Variants in TCF4 observed in about 807,000 individuals in gnomAD.
TCF4 encodes the protein transcription factor 4, also known as SL3-3 enhancer factor 2.
TCF4 carries 3 observed loss-of-function variants against 82.1 expected under a neutral mutation model. That is an observed-to-expected ratio of 0.04 (90% CI 0.02 to 0.09). The LOEUF is 0.09. Ranked by LOEUF, TCF4 falls within the 10% of genes least tolerant of loss-of-function variation. The probability of loss-of-function intolerance (pLI) is 1.00; values close to 1 mark genes in which losing one functional copy is unlikely to be tolerated. For synonymous variants in TCF4, 276 were observed against 309.6 expected, an observed-to-expected ratio of 0.89 and a Z score of 1.14; for missense variants, 518 against 852.7, an observed-to-expected ratio of 0.61 and a Z score of 4.89.
At chr18:55,505,092 C>T (rs1280308473) in intron 3 of TCF4, among the ~76,000 whole-genome samples, 3 of 152,084 alleles carry the variant, frequency 2.0e-5, no homozygotes, top group Non-Finnish European at 2.9e-5. Context: ...TTTTTTCCAC[C>T]TCACCATTCC....
chr18:55,453,000 T>C (rs1184833588), intron 5 of TCF4, among the ~76,000 whole-genome samples: 4 of 152,208 alleles, frequency 2.6e-5, no homozygotes, highest in Non-Finnish European at 5.9e-5. Flanking sequence ...TAGAAAATTA[T>C]ATATTTTTCT....
At chr18:55,423,404 GCAGGAGAGGCACACGCGCGCGCGCACA>G (rs955457702) in intron 5 of TCF4, 2 of 142,786 alleles carry the variant, frequency 1.4e-5, no homozygotes, top group Non-Finnish European at 3.0e-5. Flanking sequence ...ACACGCGTGC[GCAGGAGAGGCACACGCGCGCGCGCACA>G]CACACACACA....
intron 5 of TCF4, chr18:55,404,064 T>C (rs966500313): frequency 2.3e-5 from 25 of 1,108,526 alleles, no homozygotes; most frequent in Non-Finnish European, 2.5e-5. Flanking sequence ...AAGATGATGA[T>C]GGAATTTACA....
At chr18:55,275,312 T>A (rs377711611) in intron 10 of TCF4, among the ~76,000 whole-genome samples, 2 of 139,870 alleles carry the variant, frequency 1.4e-5, no homozygotes, top group Non-Finnish European at 3.1e-5. Context: ...GGAACCACCA[T>A]GTTAAGATTC....
At chr18:55,597,648 C>G (rs1392002452) in intron 2 of TCF4, among the ~76,000 whole-genome samples, 1 of 143,620 alleles carries the variant, frequency 7.0e-6, no homozygotes. Context: ...GCCTGGGTGA[C>G]AAAGCAAGAC....
At chr18:55,489,322 C>T (rs1023548067) in intron 3 of TCF4, among the ~76,000 whole-genome samples, 3 of 152,156 alleles carry the variant, frequency 2.0e-5, no homozygotes, top group Admixed American at 6.5e-5. Flanking sequence ...ACCCCTTGAC[C>T]TCCCCACATA....
chr18:55,505,480 C>T (rs2096744742), intron 3 of TCF4, among the ~76,000 whole-genome samples: 1 of 152,040 alleles, frequency 6.6e-6, no homozygotes, highest in African/African-American at 2.4e-5. Context: ...GAAATAACTA[C>T]CGCCACTGTA....
chr18:55,312,717 T>A (rs1317071980), intron 8 of TCF4, among the ~76,000 whole-genome samples: 2 of 152,170 alleles, frequency 1.3e-5, no homozygotes, highest in African/African-American at 4.8e-5. Context: ...TTAACAATCA[T>A]GCATCTATTT....
chr18:55,242,236 T>C (rs2051476475), intron 15 of TCF4, among the ~76,000 whole-genome samples: 1 of 152,176 alleles, frequency 6.6e-6, no homozygotes, highest in Admixed American at 6.5e-5. Flanking sequence ...TTAAAACACA[T>C]TCAAGGTCAT....
chr18:55,491,815 CT>C (rs1251015939), intron 3 of TCF4, among the ~76,000 whole-genome samples: 1 of 152,092 alleles, frequency 6.6e-6, no homozygotes, highest in African/African-American at 2.4e-5. Context: ...TGCATATGTA[CT>C]TTAAAATCTC....
At chr18:55,356,832 T>C (rs899926268) in intron 6 of TCF4, among the ~76,000 whole-genome samples, 3 of 152,186 alleles carry the variant, frequency 2.0e-5, no homozygotes, top group Non-Finnish European at 4.4e-5. Flanking sequence ...ATAGGTTTGG[T>C]TGGAAATGTA....
chr18:55,479,421 A>T (rs1011381577), intron 3 of TCF4: 2 of 153,632 alleles, frequency 1.3e-5, no homozygotes, highest in Non-Finnish European at 2.9e-5. Context: ...CTCTGTGGCT[A>T]AAGCCAGGCT....
chr18:55,296,073 C>T (rs2066419384), intron 8 of TCF4, among the ~76,000 whole-genome samples: 1 of 151,202 alleles, frequency 6.6e-6, no homozygotes, highest in Admixed American at 6.6e-5. Flanking sequence ...TTGCCACCAT[C>T]TGAGTGAAGG....
At chr18:55,468,669 TACTGTACAA>T (rs1224535691) in intron 3 of TCF4, among the ~76,000 whole-genome samples, 1 of 152,218 alleles carries the variant, frequency 6.6e-6, no homozygotes. Flanking sequence ...TCTTGTGTGG[TACTGTACAA>T]TGGTGGGCTC....
chr18:55,329,064 A>G (rs72925092), intron 8 of TCF4, among the ~76,000 whole-genome samples: 1 of 152,324 alleles, frequency 6.6e-6, no homozygotes, highest in Non-Finnish European at 1.5e-5. Flanking sequence ...TGAAAAGAGT[A>G]GGTATAAAGG....
intron 8 of TCF4, among the ~76,000 whole-genome samples, chr18:55,327,468 TATC>T (rs1189704705): frequency 2.0e-5 from 3 of 152,178 alleles, no homozygotes; most frequent in Non-Finnish European, 4.4e-5. Context: ...AGTATCAAAA[TATC>T]AGCGTAAACT....
intron 3 of TCF4, among the ~76,000 whole-genome samples, chr18:55,577,449 C>T (rs1327976148): frequency 6.6e-6 from 1 of 151,856 alleles, no homozygotes; most frequent in African/African-American, 2.4e-5. Context: ...AGATACTTTT[C>T]TAACCATAAT....
chr18:55,228,467 T>C (rs1180687835), intron 18 of TCF4, 106 bp from the exon 19 acceptor site: 3 of 1,485,516 alleles, frequency 2.0e-6, no homozygotes, highest in Non-Finnish European at 2.8e-6. Flanking sequence ...GTGTTTATAT[T>C]ACAGAACAAA....
At chr18:55,292,505 T>C (rs2065320630) in intron 8 of TCF4, among the ~76,000 whole-genome samples, 1 of 152,190 alleles carries the variant, frequency 6.6e-6, no homozygotes, top group Non-Finnish European at 1.5e-5. Context: ...CTTTTTTGTC[T>C]TCCTTGATAA....
Sources: gnomAD v4.1 joint callset for allele counts (sites outside exome capture counted in the v4.1 genomes callset) on GRCh38, gnomAD v4.1.1 for gene constraint, MANE v1.5 for transcripts, NCBI Gene and HGNC (gene_info 2026-07-23, HGNC 2026-07-21) for gene names.